SYK: variants seen among roughly 807,000 people sequenced by gnomAD.
SYK encodes the protein spleen associated tyrosine kinase, also known as tyrosine-protein kinase SYK.
Under a neutral mutation model 77.8 loss-of-function variants are expected in SYK, and 16 were observed. That is an observed-to-expected ratio of 0.21 (90% CI 0.14 to 0.31). SYK has a LOEUF of 0.31. Among genes scored for constraint, SYK ranks in the 10% least tolerant of loss-of-function variants. The pLI, the probability that SYK is intolerant of heterozygous loss-of-function variation, is 1.00. For missense variants in SYK, 529 were observed against 814.4 expected (o/e 0.65, Z 4.26); for synonymous variants, 312 against 308.7 (o/e 1.01, Z -0.11).
intron 7 of SYK, among the ~76,000 whole-genome samples, chr9:90,868,606 A>G (rs563486842): frequency 6.6e-6 from 1 of 152,360 alleles, no homozygotes; most frequent in South Asian, 2.1e-4. Flanking sequence ...TCTTAAACAT[A>G]TGAAATGTTG....
At chr9:90,841,051 G>C (rs1048388065) in intron 1 of SYK, among the ~76,000 whole-genome samples, 2 of 151,560 alleles carry the variant, frequency 1.3e-5, no homozygotes, top group Non-Finnish European at 2.9e-5. Context: ...TGTGTATGTA[G>C]TGTAGTGTTA....
At chr9:90,880,354 G>A (rs74837185) in intron 11 of SYK, among the ~76,000 whole-genome samples, 1 of 152,186 alleles carries the variant, frequency 6.6e-6, no homozygotes, top group African/African-American at 2.4e-5. Flanking sequence ...AGTACAGCAG[G>A]GGTCAGGCTG....
intron 11 of SYK, among the ~76,000 whole-genome samples, chr9:90,883,051 C>G (rs960268861): frequency 6.6e-5 from 10 of 152,180 alleles, no homozygotes; most frequent in African/African-American, 2.4e-4. Context: ...CTTCCAAGCT[C>G]TGAGTAGCTG....
At chr9:90,843,740 T>A (rs1826461620) in intron 1 of SYK, 118 bp from the exon 2 acceptor site, 1 of 678,874 alleles carries the variant, frequency 1.5e-6, no homozygotes, top group Admixed American at 4.0e-5. Flanking sequence ...AAGAGGGAAG[T>A]GCCTTTGTTC....
rs1184071252 is a variant in SYK, at chr9:90,874,174, A to C, written c.916-30A>C. ...ACTTAACAGTTTTGTGGATGAAGAA[A>C]AACAACCTGTTGTCCTTTATGTACT... On this transcript the variant is annotated intron_variant, in intron 7 of 13. Transcript: ENST00000375754. 2.5e-6 allele frequency: 4 copies of C among 1,580,894 alleles called. No homozygotes were observed. The East Asian group carries it at 9.0e-5, about 35-fold the overall frequency.
At chr9:90,813,931 C>CG (rs1209603181) in intron 1 of SYK, among the ~76,000 whole-genome samples, 1 of 152,120 alleles carries the variant, frequency 6.6e-6, no homozygotes, top group Admixed American at 6.5e-5. Flanking sequence ...GTCACTCCCC[C>CG]GGGGGGCATC....
intron 5 of SYK, 66 bp downstream of exon 5, chr9:90,864,733 C>A: frequency 7.0e-7 from 1 of 1,435,876 alleles, no homozygotes; most frequent in Non-Finnish European, 9.8e-7. Flanking sequence ...TCATTTTAGA[C>A]TTAGCTGATT....
intron 6 of SYK, among the ~76,000 whole-genome samples, chr9:90,866,751 G>A (rs55976141): frequency 0.056 from 8,533 of 152,142 alleles, 287 homozygotes; most frequent in African/African-American, 0.099. Flanking sequence ...ATTTTCCACC[G>A]TGGAACCAGC....
chr9:90,891,142 C>CT (rs750370621), intron 13 of SYK, among the ~76,000 whole-genome samples: 9,101 of 118,784 alleles, frequency 0.077, 658 homozygotes, highest in East Asian at 0.15. Flanking sequence ...ATGTTGCCTG[C>CT]TTTTTTTTTT....
intron 1 of SYK, among the ~76,000 whole-genome samples, chr9:90,816,526 A>T (rs1197821523): frequency 1.3e-5 from 2 of 152,200 alleles, no homozygotes; most frequent in African/African-American, 2.4e-5. Flanking sequence ...ATACTTAAAA[A>T]TTTTTTGGAC....
At chr9:90,805,748 T>G (rs1310483252) in intron 1 of SYK, among the ~76,000 whole-genome samples, 1 of 152,260 alleles carries the variant, frequency 6.6e-6, no homozygotes, top group Non-Finnish European at 1.5e-5. Flanking sequence ...TGTTTTGGTG[T>G]GACCTAAGTT....
intron 9 of SYK, among the ~76,000 whole-genome samples, chr9:90,876,287 C>CAAAAAAAA (rs71923873): frequency 8.3e-6 from 1 of 120,066 alleles, no homozygotes. Context: ...AACTCTGCCT[C>CAAAAAAAA]AAAAAAAAAA....
At chr9:90,851,295 A>C (rs2118694869) in intron 3 of SYK, among the ~76,000 whole-genome samples, 1 of 152,356 alleles carries the variant, frequency 6.6e-6, no homozygotes, top group East Asian at 1.9e-4. Flanking sequence ...GGCGTCCATC[A>C]GCTTTCCCCT....
In SYK at chr9:90,804,954, G is replaced by GGT. The variant is rs1374134331; in HGVS notation, c.-42+3062_-42+3063dup. On this transcript the variant is annotated intron_variant, in intron 1 of 13. Coordinates refer to ENST00000375754, the MANE Select transcript of SYK (RefSeq NM_003177.7). Reference sequence around the variant, plus strand: ...CCAATATTAGCTTGTATCAATTTGAGGTTTTTTTTTCCTTTATGAATCAAT... The same window carrying GGT: ...CCAATATTAGCTTGTATCAATTTGAGGTGTTTTTTTTTCCTTTATGAATCAAT... Among the ~76,000 whole-genome samples the GGT allele has an allele frequency of 7.0e-5, 5 of 71,688 alleles. No individual in the cohort carries two copies. In the East Asian group the frequency reaches 3.5e-3, roughly 51 times the overall value. 47.0% of individuals were successfully genotyped at this position (71,688 alleles called of 152,430 possible).
rs1049164 is a variant in SYK, at chr9:90,895,924, G to A, written c.*324G>A. 65,666 of 357,832 alleles carry A rather than the reference G, an allele frequency of 0.18. 6,618 individuals carry two copies. The highest frequency in any genetic ancestry group is 0.25 in the South Asian group (6,269 of 25,406). 22.2% of individuals were successfully genotyped at this position (357,832 alleles called of 1,614,324 possible). ...ATGTCTTTCCACTTCTCTGGGTCCC[G>A]GGGTGCATTTGTTACTCATCGGGCC... On this transcript the variant is annotated 3_prime_UTR_variant, in exon 14 of 14. Coordinates refer to ENST00000375754, the MANE Select transcript of SYK (RefSeq NM_003177.7). This position sits in a 1 kb window ranked among gnomAD's most constrained non-coding sequence, Gnocchi z 4.4.
Position 90,897,232 on chromosome 9 carries a change from G to A in SYK, c.*1632G>A, listed in dbSNP as rs1829024466. The A allele has an allele frequency of 4.3e-6, 1 of 230,854 alleles. No individual in the cohort carries two copies. Among genetic ancestry groups the A allele is most frequent in the South Asian group, 1.8e-4 (1 of 5,514 alleles). 14.3% of individuals were successfully genotyped at this position (230,854 alleles called of 1,614,324 possible). Reference sequence around the variant, plus strand: ...TCAGTACCCAAGCTCAGCCACAGAAGACAGGAGTCACTCATATAACTTGTG... The same window carrying A: ...TCAGTACCCAAGCTCAGCCACAGAAAACAGGAGTCACTCATATAACTTGTG... On this transcript the variant is annotated 3_prime_UTR_variant, in exon 14 of 14. Transcript: ENST00000375754.
chr9:90,846,098 C>T (rs188018798), intron 3 of SYK, among the ~76,000 whole-genome samples: 11 of 152,336 alleles, frequency 7.2e-5, no homozygotes, highest in Non-Finnish European at 1.3e-4. Context: ...GGCCCACAGT[C>T]ATTAGAGGGT....
intron 1 of SYK, among the ~76,000 whole-genome samples, chr9:90,840,554 T>TAACA (rs751743321): frequency 9.3e-6 from 1 of 107,024 alleles, no homozygotes; most frequent in Non-Finnish European, 1.9e-5. Context: ...CCGTCTCTTC[T>TAACA]AAAAAAAAAA....
intron 1 of SYK, among the ~76,000 whole-genome samples, chr9:90,838,367 G>A (rs550518156): frequency 5.3e-5 from 8 of 152,228 alleles, no homozygotes; most frequent in Admixed American, 6.5e-5. Flanking sequence ...TTAAAGGGCT[G>A]CTGCCTTATG....
Sources: allele counts gnomAD v4.1 joint callset (sites outside exome capture counted in the v4.1 genomes callset), GRCh38; gene constraint gnomAD v4.1.1; non-coding constraint Gnocchi (gnomAD v3.1); transcripts MANE v1.5; gene names NCBI Gene and HGNC (gene_info 2026-07-23, HGNC 2026-07-21).